CSMD3: variants seen among roughly 807,000 people sequenced by gnomAD.
The protein encoded by CSMD3 is CUB and Sushi multiple domains 3.
A neutral mutation model predicts 435.2 loss-of-function variants in CSMD3; 177 were observed. The ratio of observed to expected loss-of-function variants is 0.41; its 90% CI spans 0.36 to 0.46. CSMD3 has a LOEUF of 0.46. Among genes scored for constraint, CSMD3 ranks in the 20% least tolerant of loss-of-function variants. CSMD3 has a pLI of 0.34. For synonymous variants in CSMD3, 1,656 were observed against 1,520.5 expected (o/e 1.09, Z -2.07); for missense variants, 4,265 against 4,504.6 (o/e 0.95, Z 1.52).
chr8:112,557,267 T>C (rs1435955296), intron 24 of CSMD3, among the ~76,000 whole-genome samples: 1 of 151,972 alleles, frequency 6.6e-6, no homozygotes, highest in Non-Finnish European at 1.5e-5. Flanking sequence ...AGTGATACCA[T>C]GATATAACAA....
At chr8:113,239,621 T>G (rs540834435) in intron 3 of CSMD3, among the ~76,000 whole-genome samples, 2 of 152,124 alleles carry the variant, frequency 1.3e-5, no homozygotes, top group South Asian at 4.1e-4. Flanking sequence ...GTAACAAGTA[T>G]CTAAATATGT....
At chr8:112,986,361 A>C (rs2130993050) in intron 6 of CSMD3, among the ~76,000 whole-genome samples, 1 of 152,250 alleles carries the variant, frequency 6.6e-6, no homozygotes, top group Non-Finnish European at 1.5e-5. Context: ...AACAAATATT[A>C]ATCCTTTCAA....
chr8:112,559,003 G>GA (rs1322563268), intron 24 of CSMD3, among the ~76,000 whole-genome samples: 2 of 151,328 alleles, frequency 1.3e-5, no homozygotes, highest in Non-Finnish European at 3.0e-5. Context: ...ATTCTCACAG[G>GA]AAAAAAAATA....
intron 31 of CSMD3, among the ~76,000 whole-genome samples, chr8:112,482,779 A>G (rs944117221): frequency 3.9e-5 from 6 of 152,220 alleles, no homozygotes; most frequent in African/African-American, 1.4e-4. Context: ...ATAATTTGTT[A>G]ACTTCTACCA....
intron 1 of CSMD3, among the ~76,000 whole-genome samples, chr8:113,372,866 G>A (rs528138185): frequency 7.3e-5 from 11 of 151,548 alleles, no homozygotes; most frequent in Non-Finnish European, 1.0e-4. Flanking sequence ...CCCGGGAAGC[G>A]GAGCTTGCAG....
intron 38 of CSMD3, among the ~76,000 whole-genome samples, chr8:112,355,218 TA>T (rs1826479999): frequency 2.0e-5 from 3 of 152,328 alleles, no homozygotes; most frequent in Admixed American, 6.5e-5. Context: ...ATTAGATATT[TA>T]AATGTAAGAC....
intron 50 of CSMD3, chr8:112,310,768 G>C (rs1821900014): frequency 1.5e-6 from 1 of 651,250 alleles, no homozygotes; most frequent in East Asian, 2.8e-5. Flanking sequence ...CATATAAGTT[G>C]CATAACAATA....
intron 13 of CSMD3, among the ~76,000 whole-genome samples, chr8:112,773,558 G>A (rs1241824153): frequency 2.6e-5 from 4 of 152,004 alleles, no homozygotes; most frequent in African/African-American, 7.2e-5. Flanking sequence ...AACAGTGAAG[G>A]AGTATTTTTA....
chr8:113,082,999 C>T (rs903067395), intron 5 of CSMD3, among the ~76,000 whole-genome samples: 6 of 152,020 alleles, frequency 3.9e-5, no homozygotes, highest in Middle Eastern at 3.4e-3. Context: ...GAAGAAGATA[C>T]GGGAGAAGGC....
At chr8:112,993,713 G>A (rs1409899766) in intron 6 of CSMD3, among the ~76,000 whole-genome samples, 1 of 151,744 alleles carries the variant, frequency 6.6e-6, no homozygotes, top group Non-Finnish European at 1.5e-5. Context: ...ATAATAGAGA[G>A]TGACTGGTAC....
intron 42 of CSMD3, among the ~76,000 whole-genome samples, chr8:112,339,823 T>G (rs1429034334): frequency 6.6e-6 from 1 of 152,214 alleles, no homozygotes; most frequent in Non-Finnish European, 1.5e-5. Flanking sequence ...TAAAATGCAC[T>G]AGGTTAGTTA....
intron 5 of CSMD3, among the ~76,000 whole-genome samples, chr8:113,089,765 T>C (rs2089938032): frequency 6.6e-6 from 1 of 152,052 alleles, no homozygotes; most frequent in Non-Finnish European, 1.5e-5. Flanking sequence ...ACTTTGCAGC[T>C]CCTCCCAAGA....
chr8:113,423,139 G>A (rs2094617391), intron 1 of CSMD3, among the ~76,000 whole-genome samples: 1 of 152,006 alleles, frequency 6.6e-6, no homozygotes, highest in Non-Finnish European at 1.5e-5. Context: ...CATTTCGACT[G>A]TAATTCATCA....
chr8:113,415,797 T>C (rs2129868225), intron 1 of CSMD3, among the ~76,000 whole-genome samples: 1 of 152,266 alleles, frequency 6.6e-6, no homozygotes, highest in Middle Eastern at 3.4e-3. Context: ...TGAACAAATT[T>C]TCTCCATAAT....
chr8:113,329,904 T>G (rs1286892133), intron 1 of CSMD3, among the ~76,000 whole-genome samples: 1 of 152,038 alleles, frequency 6.6e-6, no homozygotes, highest in Non-Finnish European at 1.5e-5. Context: ...ACTGCTAAAA[T>G]GCATCACTAT....
intron 4 of CSMD3, among the ~76,000 whole-genome samples, chr8:113,112,404 TATATATA>T (rs2090673920): frequency 2.7e-4 from 1 of 3,678 alleles, no homozygotes; most frequent in Non-Finnish European, 3.9e-4. Context: ...TATATATATA[TATATATA>T]TATATATATA....
chr8:113,137,628 T>C (rs1222245688), intron 4 of CSMD3, among the ~76,000 whole-genome samples: 1 of 151,644 alleles, frequency 6.6e-6, no homozygotes, highest in Non-Finnish European at 1.5e-5. Context: ...CTGCATTCTC[T>C]ATACAGGAGA....
chr8:112,338,929 A>AT (rs1824831767), intron 42 of CSMD3, among the ~76,000 whole-genome samples: 1 of 152,094 alleles, frequency 6.6e-6, no homozygotes, highest in South Asian at 2.1e-4. Context: ...TAGAAAATAG[A>AT]TTTTAAGTGT....
chr8:112,610,930 C>G lies in CSMD3; in HGVS notation c.3716-23695G>C, dbSNP rs182850520. On this transcript the variant is annotated intron_variant, in intron 22 of 70. Coordinates refer to ENST00000297405, the MANE Select transcript of CSMD3 (RefSeq NM_198123.2). ...AGCTTCATGCTTTCTTCCTCTGTAT[C>G]TTCGAGTTGCATTGAAATGCATCAT... Among the ~76,000 whole-genome samples, 68 of 152,264 alleles carry G rather than the reference C, an allele frequency of 4.5e-4. 1 individual carries two copies. The highest frequency in any genetic ancestry group is 4.3e-3 in the Admixed American group (65 of 15,286).
Sources: gnomAD v4.1 joint callset for allele counts (sites outside exome capture counted in the v4.1 genomes callset) on GRCh38, gnomAD v4.1.1 for gene constraint, MANE v1.5 for transcripts, NCBI Gene and HGNC (gene_info 2026-07-23, HGNC 2026-07-21) for gene names.